MIPEP: variants seen among roughly 807,000 people sequenced by gnomAD.
The protein encoded by MIPEP is mitochondrial intermediate peptidase.
In MIPEP, 79 loss-of-function variants were observed where a neutral mutation model predicts 90.3. The ratio of observed to expected loss-of-function variants is 0.87; its 90% CI spans 0.73 to 1.05. The LOEUF (loss-of-function observed/expected upper bound fraction) is 1.05, where lower values mean the gene tolerates loss of function less well. Among genes scored for constraint, MIPEP ranks in the 50% least tolerant of loss-of-function variants. The probability of loss-of-function intolerance (pLI) is 0.00; values close to 1 mark genes in which losing one functional copy is unlikely to be tolerated. For missense variants in MIPEP, 940 were observed against 905.6 expected, an observed-to-expected ratio of 1.04 and a Z score of -0.49; for synonymous variants, 334 against 315.8, an observed-to-expected ratio of 1.06 and a Z score of -0.61.
intron 16 of MIPEP, among the ~76,000 whole-genome samples, chr13:23,785,406 G>A (rs539493581): frequency 6.7e-6 from 1 of 149,286 alleles, no homozygotes; most frequent in South Asian, 2.1e-4. Flanking sequence ...ACCAAACACC[G>A]CATGTTCTCA....
At chr13:23,759,240 G>C (rs1300038579) in intron 17 of MIPEP, among the ~76,000 whole-genome samples, 2 of 152,126 alleles carry the variant, frequency 1.3e-5, no homozygotes, top group East Asian at 3.8e-4. Flanking sequence ...GGCCAAATCA[G>C]GGAGCAAAGG....
chr13:23,807,816 A>G (rs985564480), intron 15 of MIPEP, among the ~76,000 whole-genome samples: 1 of 152,198 alleles, frequency 6.6e-6, no homozygotes, highest in East Asian at 1.9e-4. Context: ...CATTTCTTCA[A>G]TTATGCCTTT....
chr13:23,855,267 A>G (rs1439718648), intron 10 of MIPEP, among the ~76,000 whole-genome samples: 3 of 152,188 alleles, frequency 2.0e-5, no homozygotes, highest in Non-Finnish European at 4.4e-5. Flanking sequence ...GCTCTTTAAG[A>G]CTTGCTGACA....
intron 10 of MIPEP, among the ~76,000 whole-genome samples, chr13:23,845,863 T>C (rs1869515630): frequency 6.6e-6 from 1 of 152,138 alleles, no homozygotes; most frequent in South Asian, 2.1e-4. Flanking sequence ...TAATTTGATA[T>C]ATTAGTGATA....
Position 23,879,314 on chromosome 13 carries a change from AT to A in MIPEP, c.492del (p.Lys164AsnfsTer3). 1 of 1,605,766 alleles carries A rather than the reference AT, an allele frequency of 6.2e-7. No individual in the cohort carries two copies. The highest frequency in any genetic ancestry group is 1.1e-5 in the South Asian group (1 of 90,474). ...TNVDLYQSLQ[K>X]LLADKKLVDS... is the part of the protein sequence containing the mutation. ...TCCACAAGTTTTTTATCAGCTAGTAATTTTTGCAAACTTTGATATAAATCCA... is the reference window on the plus strand; with the variant it reads ...TCCACAAGTTTTTTATCAGCTAGTAATTTTGCAAACTTTGATATAAATCCA... On this transcript the variant is annotated frameshift_variant, in exon 4 of 19. Coordinates refer to ENST00000382172, the MANE Select transcript of MIPEP (RefSeq NM_005932.4). LOFTEE classifies it high-confidence loss of function.
At chr13:23,862,771 T>A (rs9580768) in intron 8 of MIPEP, among the ~76,000 whole-genome samples, 143,052 of 152,246 alleles carry the variant, frequency 0.94, 67,238 homozygotes, top group East Asian at 1. Context: ...TTTTTCCCCT[T>A]TGGAAAAACT....
chr13:23,820,353 T>C (rs1953291820), intron 14 of MIPEP, among the ~76,000 whole-genome samples: 2 of 152,204 alleles, frequency 1.3e-5, no homozygotes, highest in African/African-American at 4.8e-5. Flanking sequence ...AAATTATACG[T>C]AGTCCTACCT....
intron 16 of MIPEP, among the ~76,000 whole-genome samples, chr13:23,791,856 C>T (rs1156560092): frequency 1.3e-5 from 2 of 152,214 alleles, no homozygotes; most frequent in Non-Finnish European, 2.9e-5. Context: ...CTCCATTTAG[C>T]CTTTGTCCCA....
chr13:23,838,363 G>T (rs1869147702), intron 12 of MIPEP, among the ~76,000 whole-genome samples: 1 of 152,032 alleles, frequency 6.6e-6, no homozygotes, highest in African/African-American at 2.4e-5. Context: ...GCCAGGGCTG[G>T]TCTTGAACTC....
At position 23,856,666 on chromosome 13, in the gene MIPEP, T is replaced by C. The variant is rs958139015; in HGVS notation, c.1106+2194A>G. Among the ~76,000 whole-genome samples the C allele has an allele frequency of 1.9e-4, 29 of 152,160 alleles. 1 individual carries two copies. The highest frequency in any genetic ancestry group is 1.5e-5 in the Non-Finnish European group (1 of 68,022). ...TGAGGGCAGCCAGAAATCCCTTTCCTTGCCATCTGTTGGTCTGGGCTGGTT... is the reference window on the plus strand; with the variant it reads ...TGAGGGCAGCCAGAAATCCCTTTCCCTGCCATCTGTTGGTCTGGGCTGGTT... On this transcript the variant is annotated intron_variant, in intron 10 of 18. Coordinates refer to ENST00000382172, the MANE Select transcript of MIPEP (RefSeq NM_005932.4).
At chr13:23,872,235 G>A (rs990599515) in intron 5 of MIPEP, among the ~76,000 whole-genome samples, 5 of 152,244 alleles carry the variant, frequency 3.3e-5, no homozygotes, top group African/African-American at 9.6e-5. Context: ...GCTGAGGCAG[G>A]TGGATCACCT....
intron 5 of MIPEP, among the ~76,000 whole-genome samples, chr13:23,874,230 T>C (rs1375123641): frequency 6.6e-6 from 1 of 152,234 alleles, no homozygotes; most frequent in Admixed American, 6.5e-5. Context: ...CTTCCAACTC[T>C]GAATTTACAA....
At chr13:23,798,993 T>C (rs1168896205) in intron 16 of MIPEP, among the ~76,000 whole-genome samples, 2 of 138,684 alleles carry the variant, frequency 1.4e-5, no homozygotes, top group African/African-American at 2.7e-5. Flanking sequence ...TTAGAATAAT[T>C]TTTTTGGTTT....
chr13:23,776,752 T>G (rs1952721800), intron 16 of MIPEP, among the ~76,000 whole-genome samples: 1 of 151,960 alleles, frequency 6.6e-6, no homozygotes, highest in Non-Finnish European at 1.5e-5. Context: ...ACATGGAGAT[T>G]TTTCAAACTG....
intron 10 of MIPEP, among the ~76,000 whole-genome samples, chr13:23,848,627 G>C (rs998089836): frequency 6.6e-6 from 1 of 152,176 alleles, no homozygotes; most frequent in Admixed American, 6.5e-5. Flanking sequence ...CTACAAAGAA[G>C]AGGCAGCATC....
intron 10 of MIPEP, among the ~76,000 whole-genome samples, chr13:23,857,218 A>G (rs554833438): frequency 3.1e-4 from 47 of 152,326 alleles, no homozygotes; most frequent in African/African-American, 1.1e-3. Context: ...TTCTGCAACC[A>G]GAAAACAATT....
chr13:23,798,789 T>C (rs1653643835), intron 16 of MIPEP, among the ~76,000 whole-genome samples: 1 of 152,112 alleles, frequency 6.6e-6, no homozygotes, highest in African/African-American at 2.4e-5. Context: ...CCTTCTGCCA[T>C]GAGTGTAAAC....
intron 10 of MIPEP, among the ~76,000 whole-genome samples, chr13:23,848,170 A>G (rs1869629538): frequency 6.6e-6 from 1 of 152,204 alleles, no homozygotes; most frequent in South Asian, 2.1e-4. Flanking sequence ...TCCATTAACA[A>G]TTACAGAAAC....
intron 14 of MIPEP, among the ~76,000 whole-genome samples, chr13:23,833,214 AAGGCT>A (rs1171782552): frequency 6.6e-6 from 1 of 152,226 alleles, no homozygotes; most frequent in Non-Finnish European, 1.5e-5. Context: ...TCTTATCCTT[AAGGCT>A]AGGACTGCAC....
Sources: allele counts gnomAD v4.1 joint callset (sites outside exome capture counted in the v4.1 genomes callset), GRCh38; gene constraint gnomAD v4.1.1; transcripts MANE v1.5; gene names NCBI Gene and HGNC (gene_info 2026-07-23, HGNC 2026-07-21).